IKZF4: variants seen among roughly 807,000 people sequenced by gnomAD.
IKZF4 encodes zinc finger protein Eos.
Under a neutral mutation model 47.7 loss-of-function variants are expected in IKZF4, and 11 were observed. The ratio of observed to expected loss-of-function variants is 0.23; its 90% CI spans 0.15 to 0.38. The LOEUF is 0.38. IKZF4 is among the 10% of genes least tolerant of loss of function. The pLI, the probability that IKZF4 is intolerant of heterozygous loss-of-function variation, is 1.00. For missense variants in IKZF4, 557 were observed against 784.9 expected (o/e 0.71, Z 3.47); for synonymous variants, 298 against 299.4 (o/e 1.00, Z 0.05).
At chr12:56,027,154 T>A in intron 4 of IKZF4, 113 bp downstream of exon 4, 1 of 1,101,776 alleles carries the variant, frequency 9.1e-7, no homozygotes, top group Non-Finnish European at 1.2e-6. Flanking sequence ...AGGGAGTGGG[T>A]AGCCTCAGAA....
At position 56,026,843 on chromosome 12, in the gene IKZF4, G is replaced by A. The variant is rs774955814; in HGVS notation, c.349G>A (p.Glu117Lys). 1.2e-6 allele frequency: 2 copies of A among 1,612,208 alleles called. No individual in the cohort carries two copies. The highest frequency in any genetic ancestry group is 1.7e-6 in the Non-Finnish European group (2 of 1,179,214). ...EESSRLLGPD[E>K]RLLEKDDSVI... The stretch of plus-strand genomic sequence containing the variant: ...GTCAAGCAGACTGCTGGGGCCAGAT[G>A]AGCGGCTCCTGGAAAAGGACGACAG... Residue 117 changes from glutamate (E) to lysine (K), a missense_variant, in exon 4 of 8, where the codon GAG becomes AAG. This residue lies in a region of IKZF4 where 112 missense variants were observed against 168.2 expected (regional missense o/e 0.67). Coordinates refer to ENST00000547167, the MANE Select transcript of IKZF4 (RefSeq NM_022465.4).
chr12:56,030,778 C>T (rs1386316004), intron 5 of IKZF4, among the ~76,000 whole-genome samples: 2 of 150,822 alleles, frequency 1.3e-5, no homozygotes, highest in Non-Finnish European at 2.9e-5. Flanking sequence ...CAGAGGCTGA[C>T]TGAGAAGGGT....
At chr12:56,021,606 T>C (rs767970120) in intron 1 of IKZF4, 26 bp downstream of exon 1, 4 of 1,575,252 alleles carry the variant, frequency 2.5e-6, no homozygotes, top group South Asian at 1.2e-5. Context: ...AGGCGGCTAG[T>C]GGAGGGAGGA....
rs1895617824 is a variant in IKZF4, at chr12:56,036,153, T to C, written c.*822T>C. The stretch of plus-strand genomic sequence containing the variant: ...CGCTCTAGTCCCTTCAACCTACCGG[T>C]CTATTAAGTGGTGGCTTTTCTCTCC... On this transcript the variant is annotated 3_prime_UTR_variant, in exon 8 of 8. Coordinates refer to ENST00000547167, the MANE Select transcript of IKZF4 (RefSeq NM_022465.4). 1 of 152,546 alleles carries C rather than the reference T, an allele frequency of 6.6e-6. No individual in the cohort carries two copies. Among genetic ancestry groups the C allele is most frequent in the South Asian group, 2.1e-4 (1 of 4,814 alleles). 9.4% of individuals were successfully genotyped at this position (152,546 alleles called of 1,614,324 possible).
At chr12:56,031,069 T>C (rs772917) in intron 5 of IKZF4, among the ~76,000 whole-genome samples, 141,756 of 152,026 alleles carry the variant, frequency 0.93, 66,863 homozygotes, top group East Asian at 1. Context: ...CTGGCTAACA[T>C]GGTGAAACCC....
At chr12:56,023,639 C>T in intron 1 of IKZF4, 32 bp from the exon 2 acceptor site, 1 of 1,611,412 alleles carries the variant, frequency 6.2e-7, no homozygotes, top group Middle Eastern at 1.7e-4. Flanking sequence ...TCCCAAAGTC[C>T]TGAGTGGTTG....
intron 5 of IKZF4, among the ~76,000 whole-genome samples, chr12:56,029,389 T>C (rs528552154): frequency 2.2e-4 from 33 of 152,130 alleles, no homozygotes; most frequent in Non-Finnish European, 4.1e-4. Context: ...GGCCAGGAGC[T>C]GAGCTGGCAG....
intron 5 of IKZF4, among the ~76,000 whole-genome samples, chr12:56,031,163 AT>A (rs912741431): frequency 6.6e-6 from 1 of 152,094 alleles, no homozygotes; most frequent in Non-Finnish European, 1.5e-5. Flanking sequence ...AGGCAGGAGA[AT>A]CGCTTGAACC....
intron 1 of IKZF4, among the ~76,000 whole-genome samples, chr12:56,022,849 G>A (rs1486683843): frequency 6.7e-6 from 1 of 149,132 alleles, no homozygotes; most frequent in Non-Finnish European, 1.5e-5. Flanking sequence ...GCCCAGGCTG[G>A]AGTGCAGTGG....
chr12:56,024,532 AATT>A lies in IKZF4; in HGVS notation c.182-518_182-516del, dbSNP rs1368418699. ...TATAGTTGTTGTGAGGATTAAATGA[AATT>A]ATTCATTTCAAGTGCACAGAATAAA... On this transcript the variant is annotated intron_variant, in intron 2 of 7. Coordinates refer to ENST00000547167, the MANE Select transcript of IKZF4 (RefSeq NM_022465.4). 11 of 643,406 alleles carry A rather than the reference AATT, an allele frequency of 1.7e-5. No homozygotes were observed. The South Asian group carries it at 3.3e-4, about 19-fold the overall frequency. 39.9% of individuals were successfully genotyped at this position (643,406 alleles called of 1,614,324 possible). A position where few individuals can be genotyped will look rare whatever the true frequency, so the allele number is the denominator to read the frequency against.
At chr12:56,020,346 C>T (rs1377706064), upstream of IKZF4, among the ~76,000 whole-genome samples, 2 of 152,196 alleles carry the variant, frequency 1.3e-5, no homozygotes, top group African/African-American at 2.4e-5. Context: ...TAATTTATGG[C>T]ACAGATAACC....
intron 7 of IKZF4, among the ~76,000 whole-genome samples, chr12:56,034,291 C>G (rs1428994302): frequency 3.3e-5 from 5 of 152,164 alleles, no homozygotes; most frequent in Non-Finnish European, 7.3e-5. Context: ...GTGGTTCCCC[C>G]TATCCCCAGC....
chr12:56,024,706 ATGTC>A (rs1184176058), intron 2 of IKZF4: 2 of 1,139,682 alleles, frequency 1.8e-6, no homozygotes, highest in Non-Finnish European at 1.1e-6. Context: ...GTAGGGAAGA[ATGTC>A]TGTCCTGAAC....
chr12:56,014,155 C>CAAAAA (rs1303427048), intron 2 of IKZF4, among the ~76,000 whole-genome samples: 5 of 80,852 alleles, frequency 6.2e-5, no homozygotes, highest in Admixed American at 1.5e-4. Flanking sequence ...GACTCCGTCT[C>CAAAAA]AAAAAAAAAA....
At chr12:56,016,592 T>G (rs1892103681), upstream of IKZF4, among the ~76,000 whole-genome samples, 2 of 151,222 alleles carry the variant, frequency 1.3e-5, no homozygotes, top group Admixed American at 6.6e-5. Context: ...CCAGCTAATT[T>G]TGTTTTGTTT....
intron 3 of IKZF4, among the ~76,000 whole-genome samples, chr12:56,026,203 C>T (rs12815309): frequency 9.2e-5 from 14 of 152,002 alleles, no homozygotes; most frequent in East Asian, 2.0e-4. Flanking sequence ...TCCCAAATTG[C>T]TGGGATTACA....
At position 56,033,316 on chromosome 12, in the gene IKZF4, T is replaced by C. The variant is rs1895164713; in HGVS notation, c.992T>C (p.Phe331Ser). ...TKRKRSTPQKFVGEKQMRFSL... is the reference protein window; with the variant it reads ...TKRKRSTPQKSVGEKQMRFSL... ...CGCAAGCGTTCCACACCCCAGAAGT[T>C]TGTAGGTAAGAATCCAGTTGGAAAG... The change falls in exon 7 of 8, where the codon TTT becomes TCT. Residue 331 changes from phenylalanine (F) to serine (S), a missense_variant. Around this residue, in one of 6 missense-constraint regions of IKZF4, gnomAD observed 280 missense variants for 314.0 expected, o/e 0.89. Coordinates refer to ENST00000547167, the MANE Select transcript of IKZF4 (RefSeq NM_022465.4). 6.2e-7 allele frequency: 1 copy of C among 1,613,702 alleles called. No individual in the cohort carries two copies. Among genetic ancestry groups the C allele is most frequent in the Non-Finnish European group, 8.5e-7 (1 of 1,179,838 alleles).
chr12:56,013,750 A>C lies in IKZF4; in HGVS notation c.-214+2256A>C, dbSNP rs151257015. On this transcript the variant is annotated intron_variant, in intron 2 of 11. Coordinates refer to the IKZF4 transcript ENST00000262032. ...CTGCAGGGAGACTTGAGCAAAGAGT[A>C]AAGTACATCTGCTGATTTGCTCCTG... Among the ~76,000 whole-genome samples, 10 of 152,302 alleles carry C rather than the reference A, an allele frequency of 6.6e-5. No homozygotes were observed. In the East Asian group the frequency reaches 1.7e-3, roughly 26 times the overall value.
chr12:56,034,972 G>A lies in IKZF4; in HGVS notation c.1399G>A (p.Val467Ile). The A allele has an allele frequency of 6.4e-7, 1 of 1,561,036 alleles. No individual in the cohort carries two copies. The highest frequency in any genetic ancestry group is 8.7e-7 in the Non-Finnish European group (1 of 1,151,304). The part of the protein sequence containing the change: ...TDTESNHEDR[V>I]AGVVSLPQGP... ...CACAGAAAGCAACCACGAAGATCGG[G>A]TTGCGGGGGTGGTATCCCTCCCTCA... The change falls in exon 8 of 8, where the codon GTT becomes ATT. Residue 467 changes from valine (V) to isoleucine (I), a missense_variant. This residue lies in a region of IKZF4 where 280 missense variants were observed against 314.0 expected (regional missense o/e 0.89). Transcript: ENST00000547167.
Sources: gnomAD v4.1 joint callset for allele counts (sites outside exome capture counted in the v4.1 genomes callset) on GRCh38, gnomAD v4.1.1 for gene constraint, gnomAD v4.1.1 regional missense constraint, MANE v1.5 for transcripts, NCBI Gene and HGNC (gene_info 2026-07-23, HGNC 2026-07-21) for gene names.